The following ACOX3 variants were observed in gnomAD, a reference collection of about 807,000 sequenced individuals.
ACOX3 encodes acyl-CoA oxidase 3, pristanoyl, also known as peroxisomal acyl-coenzyme A oxidase 3.
A neutral mutation model predicts 81.5 loss-of-function variants in ACOX3; 73 were observed. The ratio of observed to expected loss-of-function variants is 0.90; its 90% CI spans 0.74 to 1.09. ACOX3 has a LOEUF of 1.09. Among genes scored for constraint, ACOX3 ranks in the 50% least tolerant of loss-of-function variants. ACOX3 has a pLI of 0.00. For missense variants in ACOX3, 947 were observed against 928.0 expected, an observed-to-expected ratio of 1.02 and a Z score of -0.27; for synonymous variants, 387 against 375.1, an observed-to-expected ratio of 1.03 and a Z score of -0.37.
chr4:8,433,101 C>G (rs1434320307), intron 1 of ACOX3, among the ~76,000 whole-genome samples: 1 of 152,218 alleles, frequency 6.6e-6, no homozygotes, highest in Admixed American at 6.5e-5. Flanking sequence ...TTGACCTAAG[C>G]CTGGATATCT....
At chr4:8,415,366 A>C (rs951382246) in intron 3 of ACOX3, among the ~76,000 whole-genome samples, 6 of 152,182 alleles carry the variant, frequency 3.9e-5, no homozygotes, top group Non-Finnish European at 8.8e-5. Context: ...TATGTTACAA[A>C]GGAAGGAAAA....
intron 10 of ACOX3, among the ~76,000 whole-genome samples, chr4:8,392,864 C>A (rs184373628): frequency 6.6e-6 from 1 of 152,178 alleles, no homozygotes; most frequent in Non-Finnish European, 1.5e-5. Flanking sequence ...GACTCAGCAC[C>A]GCAGACAGTG....
chr4:8,357,276 C>T, the ACOX3 span: 1 of 456,546 alleles, frequency 2.2e-6, no homozygotes, highest in Non-Finnish European at 4.4e-6. Flanking sequence ...GACGGGGGCC[C>T]TCGAGGGGAA....
rs370331920 is a variant in ACOX3, at chr4:8,410,218, G to A, written c.681C>T (p.Ile227=). The change falls in exon 6 of 18, where the codon ATC becomes ATT. Residue 227 remains isoleucine (I), a synonymous_variant. Coordinates refer to ENST00000356406, the MANE Select transcript of ACOX3 (RefSeq NM_003501.3). Reference sequence around the variant, plus strand: ...GGCCACCCCAGCGTCCTACCTGCACGATAAAGGGATGCAGCCCATGGCACT... The same window carrying A: ...GGCCACCCCAGCGTCCTACCTGCACAATAAAGGGATGCAGCCCATGGCACT... The part of the protein sequence containing the change: ...GDQCHGLHPF[I]VQIRDPKTLL... 29 of 1,613,776 alleles carry A rather than the reference G, an allele frequency of 1.8e-5. No individual in the cohort carries two copies. The East Asian group carries it at 4.0e-4, about 22-fold the overall frequency.
chr4:8,377,384 C>T (rs1346547139), intron 14 of ACOX3, among the ~76,000 whole-genome samples: 2 of 152,252 alleles, frequency 1.3e-5, no homozygotes, highest in East Asian at 3.8e-4. Flanking sequence ...GCCAGAAAGA[C>T]AGCCCCTCCT....
chr4:8,414,456 A>G lies in ACOX3; in HGVS notation c.454-75T>C, dbSNP rs1722110508. On this transcript the variant is annotated intron_variant, in intron 4 of 17. Coordinates refer to ENST00000356406, the MANE Select transcript of ACOX3 (RefSeq NM_003501.3). This position sits in a 1 kb window ranked among gnomAD's most constrained non-coding sequence, Gnocchi z 6.1. ...ACATTCCCAGAAGGACCTCACTGCC[A>G]TCTTTCCTTTAAAGATGAAACCACA... 1 of 1,325,148 alleles carries G rather than the reference A, an allele frequency of 7.5e-7. No homozygotes were observed. The highest frequency in any genetic ancestry group is 1.8e-5 in the Admixed American group (1 of 56,752). The allele number at this position is 1,325,148 out of a possible 1,614,324, so 82.1% of individuals were successfully genotyped here.
intron 6 of ACOX3, among the ~76,000 whole-genome samples, chr4:8,408,697 G>A (rs1180315591): frequency 6.6e-6 from 1 of 152,144 alleles, no homozygotes; most frequent in Non-Finnish European, 1.5e-5. Context: ...CCCAGCACAC[G>A]ACTCCTAAAA....
At chr4:8,373,669 C>T (rs1197250628) in intron 15 of ACOX3, 41 bp from the exon 16 acceptor site, 3 of 1,579,278 alleles carry the variant, frequency 1.9e-6, no homozygotes, top group Non-Finnish European at 2.6e-6. Context: ...TGGGTCCAGT[C>T]CAAAACCACC....
Position 8,394,679 on chromosome 4 carries a change from A to G in ACOX3, c.1120T>C (p.Phe374Leu). ...YALDHFSKSL[F>L]LDLVELQRGL... is the part of the protein sequence containing the mutation. ...CGCTGGAGCTCCACCAGGTCCAGGA[A>G]GAGCGACTTGGAGAAATGGTCTAAG... The change falls in exon 10 of 18, where the codon TTC becomes CTC. Residue 374 changes from phenylalanine (F) to leucine (L), a missense_variant. By Grantham distance (22) the Phe-to-Leu change is conservative (BLOSUM62 0). Transcript: ENST00000356406. This position sits in a 1 kb window ranked among gnomAD's most constrained non-coding sequence, Gnocchi z 5.9. 4 of 1,613,920 alleles carry G rather than the reference A, an allele frequency of 2.5e-6. No homozygotes were observed.
In ACOX3 at chr4:8,423,992, A is replaced by T. The variant is rs1450165345; in HGVS notation, c.-14-7457T>A. 6.6e-6 allele frequency among the ~76,000 whole-genome samples: 1 copy of T among 152,150 alleles called. No individual in the cohort carries two copies. The highest frequency in any genetic ancestry group is 2.4e-5 in the African/African-American group (1 of 41,416). ...CATCAAGCCACCCAAGTGCTCTTAA[A>T]CTTCATGGCCACCTGTGGCTACAAG... On this transcript the variant is annotated intron_variant, in intron 1 of 17. Transcript: ENST00000356406. This position sits in a 1 kb window ranked among gnomAD's most constrained non-coding sequence, Gnocchi z 4.2.
rs369074710 is a variant in ACOX3 at position 8,432,240 on chromosome 4, AT to A, written c.-15+8407del. On this transcript the variant is annotated intron_variant, in intron 1 of 17. Coordinates refer to ENST00000356406, the MANE Select transcript of ACOX3 (RefSeq NM_003501.3). This position sits in a 1 kb window ranked among gnomAD's most constrained non-coding sequence, Gnocchi z 6.2. Reference sequence around the variant, plus strand: ...AAATGTTACTGGCTTGAGCCAATGAATTTTTTTTTTCGAGATGGAGTCTCGC... The same window carrying A: ...AAATGTTACTGGCTTGAGCCAATGAATTTTTTTTTCGAGATGGAGTCTCGC... Among the ~76,000 whole-genome samples, 6 of 151,046 alleles carry A rather than the reference AT, an allele frequency of 4.0e-5. No homozygotes were observed. The East Asian group carries it at 7.8e-4, about 20-fold the overall frequency.
downstream of ACOX3, among the ~76,000 whole-genome samples, chr4:8,362,267 C>T (rs905673800): frequency 6.6e-6 from 1 of 152,110 alleles, no homozygotes; most frequent in African/African-American, 2.4e-5. Context: ...ATTAACTGAA[C>T]CAATAAAAAA....
At chr4:8,390,320 C>G (rs1045577431) in intron 11 of ACOX3, among the ~76,000 whole-genome samples, 5 of 151,314 alleles carry the variant, frequency 3.3e-5, no homozygotes, top group Admixed American at 1.3e-4. Context: ...CTCCAGCCTC[C>G]GGGACAGGGC....
intron 1 of ACOX3, among the ~76,000 whole-genome samples, chr4:8,417,105 C>T (rs1462954001): frequency 6.6e-6 from 1 of 152,272 alleles, no homozygotes; most frequent in Non-Finnish European, 1.5e-5. Flanking sequence ...CCCGCTAACA[C>T]AGCAGGCCTC....
Position 8,423,295 on chromosome 4 carries a change from C to T in ACOX3, c.-14-6760G>A, listed in dbSNP as rs1723143334. Among the ~76,000 whole-genome samples the T allele has an allele frequency of 6.6e-6, 1 of 152,150 alleles. No homozygotes were observed. Among genetic ancestry groups the T allele is most frequent in the Non-Finnish European group, 1.5e-5 (1 of 68,024 alleles). On this transcript the variant is annotated intron_variant, in intron 1 of 17. Transcript: ENST00000356406. This position sits in a 1 kb window ranked among gnomAD's most constrained non-coding sequence, Gnocchi z 4.2. ...GATACATTCTAGCAAAAGCAGGGGC[C>T]ATTATACACCTGAACATGGGAGAAG... is the stretch of plus-strand genomic sequence containing the variant.
At chr4:8,417,233 C>T (rs1354037411) in intron 1 of ACOX3, among the ~76,000 whole-genome samples, 1 of 152,262 alleles carries the variant, frequency 6.6e-6, no homozygotes, top group African/African-American at 2.4e-5. Flanking sequence ...GAACCCAAGT[C>T]TGTCTGAGTC....
chr4:8,370,327 C>A lies in ACOX3; in HGVS notation c.1983+581G>T, dbSNP rs1475537429. Among the ~76,000 whole-genome samples, 1 of 151,960 alleles carries A rather than the reference C, an allele frequency of 6.6e-6. No homozygotes were observed. The highest frequency in any genetic ancestry group is 2.4e-5 in the African/African-American group (1 of 41,422). ...GGGGCGTGGCAGGCAGTCGAGGAGG[C>A]TGGTGGAGGCTCCCTCAGGGGGGCG... is the stretch of plus-strand genomic sequence containing the variant. On this transcript the variant is annotated intron_variant, in intron 17 of 17. Coordinates refer to ENST00000356406, the MANE Select transcript of ACOX3 (RefSeq NM_003501.3). This position sits in a 1 kb window ranked among gnomAD's most constrained non-coding sequence, Gnocchi z 6.3.
chr4:8,430,416 C>T lies in ACOX3; in HGVS notation c.-15+10232G>A, dbSNP rs967549780. Among the ~76,000 whole-genome samples the T allele has an allele frequency of 1.3e-5, 2 of 152,128 alleles. No individual in the cohort carries two copies. Among genetic ancestry groups the T allele is most frequent in the Non-Finnish European group, 2.9e-5 (2 of 68,034 alleles). On this transcript the variant is annotated intron_variant, in intron 1 of 17. Transcript: ENST00000356406. This position sits in a 1 kb window ranked among gnomAD's most constrained non-coding sequence, Gnocchi z 5.2. ...CAATCATGGTCTAATAAAAAATACA[C>T]ACCACTGTTTTTCAAATGTTTGGAG...
intron 14 of ACOX3, among the ~76,000 whole-genome samples, chr4:8,379,503 C>T (rs1012896909): frequency 5.9e-5 from 9 of 152,244 alleles, no homozygotes; most frequent in Non-Finnish European, 8.8e-5. Flanking sequence ...CAGGACCCCT[C>T]CTGGCCTCTG....
Sources: gnomAD v4.1 joint callset for allele counts (sites outside exome capture counted in the v4.1 genomes callset) on GRCh38, gnomAD v4.1.1 for gene constraint, Gnocchi (gnomAD v3.1) non-coding constraint, MANE v1.5 for transcripts, NCBI Gene and HGNC (gene_info 2026-07-23, HGNC 2026-07-21) for gene names.